MLIP: variants seen among roughly 807,000 people sequenced by gnomAD.
MLIP encodes the protein muscular LMNA interacting protein.
In MLIP, 79 loss-of-function variants were observed where a neutral mutation model predicts 84.8. The ratio of observed to expected loss-of-function variants is 0.93; its 90% CI spans 0.78 to 1.12. The LOEUF is 1.12. Among genes scored for constraint, MLIP ranks in the 50% most tolerant of loss-of-function variants. The pLI is 0.00. For missense variants in MLIP, 1,257 were observed against 1,160.6 expected, an observed-to-expected ratio of 1.08 and a Z score of -1.21; for synonymous variants, 504 against 463.0, an observed-to-expected ratio of 1.09 and a Z score of -1.14.
chr6:54,265,756 G>A (rs1346638718), intron 13 of MLIP, among the ~76,000 whole-genome samples, 194 bp from the exon 14 acceptor site: 1 of 152,028 alleles, frequency 6.6e-6, no homozygotes, highest in African/African-American at 2.4e-5. Flanking sequence ...AGGTACAGCT[G>A]TTTGTCTTTA....
At chr6:54,251,201 C>T (rs1782453743) in intron 12 of MLIP, among the ~76,000 whole-genome samples, 1 of 151,534 alleles carries the variant, frequency 6.6e-6, no homozygotes, top group African/African-American at 2.4e-5. Flanking sequence ...TTCATTTCAT[C>T]AATTTATACA....
chr6:54,142,034 T>C (rs1458348447), intron 4 of MLIP, among the ~76,000 whole-genome samples: 1 of 152,226 alleles, frequency 6.6e-6, no homozygotes, highest in Non-Finnish European at 1.5e-5. Context: ...CACTGAAAAC[T>C]TAGTGGCAGC....
At chr6:54,232,194 T>C (rs1781052182) in intron 12 of MLIP, among the ~76,000 whole-genome samples, 1 of 152,100 alleles carries the variant, frequency 6.6e-6, no homozygotes, top group South Asian at 2.1e-4. Context: ...CATTTAGTTA[T>C]TTGAGTTAAT....
chr6:54,054,154 G>C (rs1281292786), intron 1 of MLIP, among the ~76,000 whole-genome samples: 1 of 152,022 alleles, frequency 6.6e-6, no homozygotes, highest in Non-Finnish European at 1.5e-5. Flanking sequence ...CATTAAAAAG[G>C]CTCTCTTGCT....
intron 1 of MLIP, among the ~76,000 whole-genome samples, chr6:54,117,356 A>G (rs1160749060): frequency 6.6e-6 from 1 of 151,356 alleles, no homozygotes; most frequent in Non-Finnish European, 1.5e-5. Flanking sequence ...CTGGGACTAC[A>G]GGCACCCGCC....
chr6:54,151,336 A>AAGTGC (rs1773422621), intron 5 of MLIP, among the ~76,000 whole-genome samples: 2 of 152,108 alleles, frequency 1.3e-5, no homozygotes, highest in Admixed American at 6.6e-5. Flanking sequence ...ATGATATTGT[A>AAGTGC]TTGTTCCTTT....
intron 1 of MLIP, among the ~76,000 whole-genome samples, chr6:54,120,240 ATT>A (rs10708240): frequency 7.9e-4 from 115 of 145,244 alleles, no homozygotes; most frequent in African/African-American, 2.3e-3. Context: ...TCTTTTTTTT[ATT>A]TTTTTTTTTT....
At chr6:54,083,530 T>C in intron 1 of MLIP, 1 of 1,535,850 alleles carries the variant, frequency 6.5e-7, no homozygotes, top group Non-Finnish European at 8.7e-7. Context: ...GACCTTGCCG[T>C]TACAACCACT....
intron 9 of MLIP, among the ~76,000 whole-genome samples, chr6:54,175,947 A>G (rs1776240543): frequency 1.3e-5 from 2 of 151,908 alleles, no homozygotes; most frequent in African/African-American, 4.8e-5. Context: ...TCATGAAGGG[A>G]TGTTGAATTT....
At chr6:54,102,700 C>A (rs1347056486) in intron 1 of MLIP, among the ~76,000 whole-genome samples, 1 of 152,112 alleles carries the variant, frequency 6.6e-6, no homozygotes, top group Non-Finnish European at 1.5e-5. Flanking sequence ...AAGCATGCAA[C>A]CATTTACTTA....
chr6:54,082,014 T>A (rs774808558), intron 1 of MLIP, among the ~76,000 whole-genome samples: 11 of 152,108 alleles, frequency 7.2e-5, no homozygotes, highest in Non-Finnish European at 1.5e-4. Flanking sequence ...TATGCTAGAT[T>A]TAGTGTTTCT....
intron 11 of MLIP, among the ~76,000 whole-genome samples, chr6:54,218,623 G>A (rs571740862): frequency 2.4e-4 from 37 of 152,170 alleles, no homozygotes; most frequent in African/African-American, 8.4e-4. Flanking sequence ...GGGTTCAAGC[G>A]ATTCTCCTGT....
At chr6:54,107,348 A>G (rs551531581), upstream of MLIP, among the ~76,000 whole-genome samples, 3 of 152,314 alleles carry the variant, frequency 2.0e-5, no homozygotes, top group Admixed American at 1.3e-4. Context: ...TGTGTCCAAT[A>G]CAGATGAGGC....
At chr6:54,073,849 A>G in intron 1 of MLIP, among the ~76,000 whole-genome samples, 1 of 152,244 alleles carries the variant, frequency 6.6e-6, no homozygotes, top group Non-Finnish European at 1.5e-5. Context: ...AGGCACAACT[A>G]AATGAAGGTA....
chr6:54,182,538 A>C (rs1340055930), intron 9 of MLIP, among the ~76,000 whole-genome samples: 1 of 151,826 alleles, frequency 6.6e-6, no homozygotes, highest in Non-Finnish European at 1.5e-5. Flanking sequence ...ATAGTTGCTA[A>C]AATGTGGTGT....
At chr6:54,071,317 T>G (rs1766471842) in intron 1 of MLIP, among the ~76,000 whole-genome samples, 1 of 152,070 alleles carries the variant, frequency 6.6e-6, no homozygotes, top group South Asian at 2.1e-4. Flanking sequence ...CTATCAAAGT[T>G]ATCTTCAAAA....
intron 1 of MLIP, among the ~76,000 whole-genome samples, chr6:54,093,343 C>CTATTCTATTA (rs1767986157): frequency 6.8e-6 from 1 of 147,378 alleles, no homozygotes; most frequent in Non-Finnish European, 1.5e-5. Context: ...CTATTCTATT[C>CTATTCTATTA]TATTCTATTC....
At chr6:54,117,899 C>G (rs573757807) in intron 1 of MLIP, among the ~76,000 whole-genome samples, 2 of 152,076 alleles carry the variant, frequency 1.3e-5, no homozygotes, top group South Asian at 4.2e-4. Flanking sequence ...GAGCCGAGAT[C>G]GTGCCACTGC....
intron 9 of MLIP, among the ~76,000 whole-genome samples, chr6:54,172,100 C>T (rs1272354519): frequency 6.6e-6 from 1 of 151,520 alleles, no homozygotes; most frequent in East Asian, 1.9e-4. Flanking sequence ...AGTTTTGTTA[C>T]ACTTGAGGAT....
Sources: allele counts gnomAD v4.1 joint callset (sites outside exome capture counted in the v4.1 genomes callset), GRCh38; gene constraint gnomAD v4.1.1; transcripts MANE v1.5; gene names NCBI Gene and HGNC (gene_info 2026-07-23, HGNC 2026-07-21).